CDH6: variants seen among roughly 807,000 people sequenced by gnomAD.
CDH6 encodes cadherin 6, also known as cadherin-6.
CDH6 carries 31 observed loss-of-function variants against 78.0 expected under a neutral mutation model. The ratio of observed to expected loss-of-function variants is 0.40; its 90% CI spans 0.30 to 0.54. The LOEUF (loss-of-function observed/expected upper bound fraction) is 0.54, where lower values mean the gene tolerates loss of function less well. CDH6 is among the 20% of genes least tolerant of loss of function. The probability of loss-of-function intolerance (pLI) is 0.56; values close to 1 mark genes in which losing one functional copy is unlikely to be tolerated. For missense variants in CDH6, 724 were observed against 975.9 expected, an observed-to-expected ratio of 0.74 and a Z score of 3.44; for synonymous variants, 376 against 368.8, an observed-to-expected ratio of 1.02 and a Z score of -0.23.
chr5:31,218,409 A>G (rs1740923020), intron 1 of CDH6, among the ~76,000 whole-genome samples: 1 of 152,202 alleles, frequency 6.6e-6, no homozygotes, highest in African/African-American at 2.4e-5. Flanking sequence ...CATCCATTTA[A>G]CAAAGAGCTC....
intron 11 of CDH6, chr5:31,318,269 A>G (rs996576349): frequency 3.0e-5 from 17 of 557,532 alleles, no homozygotes; most frequent in Middle Eastern, 9.5e-4. Flanking sequence ...AAACGTTGTT[A>G]AGTGTCTGGC....
At chr5:31,282,514 C>A (rs1375364801) in intron 2 of CDH6, among the ~76,000 whole-genome samples, 1 of 152,130 alleles carries the variant, frequency 6.6e-6, no homozygotes, top group Non-Finnish European at 1.5e-5. Flanking sequence ...CTTGGGCTCA[C>A]CTGGGTAATC....
Position 31,304,683 on chromosome 5 carries a change from C to CAAA in CDH6, c.1000-471_1000-469dup, listed in dbSNP as rs11398035. Reference sequence around the variant, plus strand: ...CTGGCGACAGAGCGAGACTCCGTCTCAAAAAAAAAAAAAAAAAAAAAAGCC... The same window carrying CAAA: ...CTGGCGACAGAGCGAGACTCCGTCTCAAAAAAAAAAAAAAAAAAAAAAAAAGCC... On this transcript the variant is annotated intron_variant, in intron 6 of 11. Transcript: ENST00000265071. 2.3e-3 allele frequency among the ~76,000 whole-genome samples: 155 copies of CAAA among 66,554 alleles called. 1 individual carries two copies. The highest frequency in any genetic ancestry group is 8.6e-3 in the Middle Eastern group (1 of 116). The allele number at this position is 66,554 out of a possible 152,430, so 43.7% of individuals were successfully genotyped here.
At chr5:31,302,957 A>G (rs1411435393) in intron 6 of CDH6, among the ~76,000 whole-genome samples, 3 of 119,604 alleles carry the variant, frequency 2.5e-5, no homozygotes, top group Admixed American at 8.5e-5. Flanking sequence ...GAAAGAAAGA[A>G]GGAAAGAAAA....
chr5:31,318,819 A>C (rs536483754), intron 11 of CDH6: 1 of 226,136 alleles, frequency 4.4e-6, no homozygotes, highest in African/African-American at 2.2e-5. Context: ...AAATGAAGAC[A>C]GAGTGACTTT....
At chr5:31,277,931 A>G (rs954893769) in intron 2 of CDH6, among the ~76,000 whole-genome samples, 1 of 152,212 alleles carries the variant, frequency 6.6e-6, no homozygotes, top group African/African-American at 2.4e-5. Flanking sequence ...ATATTTTGAT[A>G]TACGTTGTGA....
Position 31,316,084 on chromosome 5 carries a change from C to T in CDH6, c.1391-124C>T, listed in dbSNP as rs1738316711. 4 of 1,009,036 alleles carry T rather than the reference C, an allele frequency of 4.0e-6. No homozygotes were observed. The Admixed American group carries it at 1.1e-4, about 28-fold the overall frequency. 62.5% of individuals were successfully genotyped at this position (1,009,036 alleles called of 1,614,324 possible). ...TGTGACCACACTGGTACTTAATGCC[C>T]AGTAGTACAGCAGCTTGGGGAATCT... On this transcript the variant is annotated intron_variant, in intron 8 of 11. Coordinates refer to ENST00000265071, the MANE Select transcript of CDH6 (RefSeq NM_004932.4).
intron 1 of CDH6, among the ~76,000 whole-genome samples, chr5:31,209,922 T>G (rs1740645587): frequency 6.6e-6 from 1 of 152,160 alleles, no homozygotes; most frequent in Non-Finnish European, 1.5e-5. Context: ...AAAAAAAATC[T>G]TTCTCACAAT....
chr5:31,210,045 A>G, intron 1 of CDH6, among the ~76,000 whole-genome samples: 1 of 151,570 alleles, frequency 6.6e-6, no homozygotes, highest in Non-Finnish European at 1.5e-5. Context: ...TTTAGAATAA[A>G]GACCCATTCT....
intron 1 of CDH6, among the ~76,000 whole-genome samples, chr5:31,236,023 TC>T (rs2111864307): frequency 6.6e-6 from 1 of 152,316 alleles, no homozygotes; most frequent in South Asian, 2.1e-4. Flanking sequence ...TATTCTTTTT[TC>T]CATTCAGTTT....
At chr5:31,286,886 AAG>A (rs984446389) in intron 2 of CDH6, among the ~76,000 whole-genome samples, 1 of 152,162 alleles carries the variant, frequency 6.6e-6, no homozygotes, top group Admixed American at 6.5e-5. Context: ...AGATATACAT[AAG>A]AGGTAGAATT....
Position 31,323,304 on chromosome 5 carries a change from C to A in CDH6, c.2369C>A (p.Ser790Tyr). The change falls in exon 12 of 12, where the codon TCC becomes TAC. Residue 790 changes from serine to tyrosine, a missense_variant. This residue lies in a region of CDH6 where 220 missense variants were observed against 240.6 expected (regional missense o/e 0.91). Transcript: ENST00000265071. ...MYGGVDSDKDS is the reference protein window; with the variant it reads ...MYGGVDSDKDY ...GGAGGAGTGGACAGTGACAAAGACT[C>A]CTAATCTGTTGCCTTTTTCATTTTC... 4 of 1,599,024 alleles carry A rather than the reference C, an allele frequency of 2.5e-6. No individual in the cohort carries two copies. Among genetic ancestry groups the A allele is most frequent in the Non-Finnish European group, 3.4e-6 (4 of 1,168,370 alleles).
intron 2 of CDH6, among the ~76,000 whole-genome samples, chr5:31,276,017 C>G (rs2149937866): frequency 6.6e-6 from 1 of 152,326 alleles, no homozygotes; most frequent in East Asian, 1.9e-4. Flanking sequence ...CCATTGCAAC[C>G]TCGAGGGGGC....
chr5:31,223,042 C>T (rs925098362), intron 1 of CDH6, among the ~76,000 whole-genome samples: 3 of 152,046 alleles, frequency 2.0e-5, no homozygotes, highest in Admixed American at 6.6e-5. Flanking sequence ...CTCTCTCTCT[C>T]TCACACACAC....
chr5:31,226,299 C>A (rs1455588887), intron 1 of CDH6, among the ~76,000 whole-genome samples: 2 of 152,124 alleles, frequency 1.3e-5, no homozygotes. Context: ...CTCAGCCTCC[C>A]AAGTAGCTGG....
At chr5:31,301,359 C>A (rs1235221625) in intron 5 of CDH6, among the ~76,000 whole-genome samples, 1 of 152,060 alleles carries the variant, frequency 6.6e-6, no homozygotes, top group Non-Finnish European at 1.5e-5. Flanking sequence ...ATTTTTGGTG[C>A]TAAGTATATC....
intron 1 of CDH6, among the ~76,000 whole-genome samples, chr5:31,223,449 C>T (rs1002083188): frequency 2.6e-5 from 4 of 152,160 alleles, no homozygotes; most frequent in Admixed American, 1.3e-4. Context: ...GGGAAACATA[C>T]TTGTGCTCTC....
intron 1 of CDH6, among the ~76,000 whole-genome samples, chr5:31,196,202 C>A (rs1162908277): frequency 6.6e-6 from 1 of 152,194 alleles, no homozygotes; most frequent in East Asian, 1.9e-4. Context: ...GTGAGGCACT[C>A]TTCCTTTTTA....
intron 2 of CDH6, among the ~76,000 whole-genome samples, chr5:31,291,033 C>T (rs1443467915): frequency 6.6e-6 from 1 of 152,098 alleles, no homozygotes; most frequent in East Asian, 1.9e-4. Context: ...TTTCTGATTA[C>T]TTTTACCTGA....
Sources: allele counts gnomAD v4.1 joint callset (sites outside exome capture counted in the v4.1 genomes callset), GRCh38; gene constraint gnomAD v4.1.1; regional missense constraint gnomAD v4.1.1; transcripts MANE v1.5; gene names NCBI Gene and HGNC (gene_info 2026-07-23, HGNC 2026-07-21).